The following CNOT6 variants were observed in gnomAD, a reference collection of about 807,000 sequenced individuals.
CNOT6 encodes the protein carbon catabolite repression 4 protein.
Under a neutral mutation model 61.2 loss-of-function variants are expected in CNOT6, and 12 were observed. That is an observed-to-expected ratio of 0.20 (90% CI 0.13 to 0.32). CNOT6 has a LOEUF of 0.32. CNOT6 is among the 10% of genes least tolerant of loss of function. CNOT6 has a pLI of 1.00. For missense variants in CNOT6, 405 were observed against 663.9 expected (o/e 0.61, Z 4.28); for synonymous variants, 225 against 240.6 (o/e 0.94, Z 0.60).
At chr5:180,535,811 G>A (rs115248156) in intron 2 of CNOT6, among the ~76,000 whole-genome samples, 2,694 of 152,142 alleles carry the variant, frequency 0.018, 72 homozygotes, top group African/African-American at 0.06. Flanking sequence ...ATCCTTGCCA[G>A]CATCTGTTGT....
chr5:180,554,222 A>G (rs991709992), intron 4 of CNOT6, among the ~76,000 whole-genome samples: 2 of 152,178 alleles, frequency 1.3e-5, no homozygotes, highest in Admixed American at 1.3e-4. Context: ...GTTCAAGACC[A>G]GCATGAGCAA....
rs2127772209 is a variant in CNOT6 at position 180,575,686 on chromosome 5, A to G, written c.*1486A>G. 6.5e-6 allele frequency: 1 copy of G among 152,730 alleles called. No individual in the cohort carries two copies. Among genetic ancestry groups the G allele is most frequent in the South Asian group, 2.1e-4 (1 of 4,824 alleles). 9.5% of individuals were successfully genotyped at this position (152,730 alleles called of 1,614,324 possible). On this transcript the variant is annotated 3_prime_UTR_variant, in exon 12 of 12. Coordinates refer to ENST00000261951, the MANE Select transcript of CNOT6 (RefSeq NM_001370472.1). ...AGATGAAAACCAGCTTTAACTTTGCAAAGTGAACATGTACATGGTCTGCTC... is the reference window on the plus strand; with the variant it reads ...AGATGAAAACCAGCTTTAACTTTGCGAAGTGAACATGTACATGGTCTGCTC...
At chr5:180,509,335 A>G (rs959183230) in intron 1 of CNOT6, among the ~76,000 whole-genome samples, 13 of 151,768 alleles carry the variant, frequency 8.6e-5, no homozygotes, top group South Asian at 4.2e-4. Flanking sequence ...AGGTTTTGCC[A>G]TGTTACTGGT....
intron 4 of CNOT6, among the ~76,000 whole-genome samples, chr5:180,563,853 A>G (rs1393481858): frequency 4.6e-5 from 7 of 152,204 alleles, no homozygotes; most frequent in Non-Finnish European, 8.8e-5. Flanking sequence ...AGATTCTTGT[A>G]GGTATATGTA....
rs559160965 is a variant in CNOT6, at chr5:180,515,084, G to A, written c.-2-14191G>A. 9.9e-5 allele frequency among the ~76,000 whole-genome samples: 15 copies of A among 152,198 alleles called. No individual in the cohort carries two copies. In the East Asian group the frequency reaches 2.5e-3, roughly 25 times the overall value. On this transcript the variant is annotated intron_variant, in intron 1 of 11. Coordinates refer to ENST00000261951, the MANE Select transcript of CNOT6 (RefSeq NM_001370472.1). ...TGAAGAGAAAGTAGGAGTTTAGGAT[G>A]AAGGTTGTCTTTGATAAAGAGATTA...
intron 2 of CNOT6, among the ~76,000 whole-genome samples, chr5:180,533,799 C>T (rs1758527196): frequency 6.6e-6 from 1 of 152,048 alleles, no homozygotes; most frequent in South Asian, 2.1e-4. Flanking sequence ...TTTTAACAAT[C>T]TGTTTATTAT....
intron 1 of CNOT6, among the ~76,000 whole-genome samples, chr5:180,505,547 ATTTTT>A (rs386405833): frequency 4.7e-5 from 4 of 85,722 alleles, no homozygotes; most frequent in South Asian, 3.9e-4. Flanking sequence ...GTACTAGTTA[ATTTTT>A]TTTTTTTTTT....
rs949947629 is a variant in CNOT6, at chr5:180,552,368, G to A, written c.300-1018G>A. Among the ~76,000 whole-genome samples, 12 of 151,292 alleles carry A rather than the reference G, an allele frequency of 7.9e-5. No individual in the cohort carries two copies. In the East Asian group the frequency reaches 1.2e-3, roughly 15 times the overall value. On this transcript the variant is annotated intron_variant, in intron 3 of 11. Coordinates refer to ENST00000261951, the MANE Select transcript of CNOT6 (RefSeq NM_001370472.1). ...AAAAAGTGACAAATAGGCTGGGCAC[G>A]ATGGCTCAAGCCTATAATCCCAGCA...
At chr5:180,547,842 T>G (rs1759394569) in intron 2 of CNOT6, among the ~76,000 whole-genome samples, 1 of 152,100 alleles carries the variant, frequency 6.6e-6, no homozygotes. Flanking sequence ...CAAGCGGTTC[T>G]CCTGCCTCAG....
chr5:180,538,160 T>C (rs368112166), intron 2 of CNOT6, among the ~76,000 whole-genome samples: 1 of 148,000 alleles, frequency 6.8e-6, no homozygotes, highest in South Asian at 2.2e-4. Flanking sequence ...TGCCTCAGCC[T>C]CCCAAGTAGC....
intron 1 of CNOT6, among the ~76,000 whole-genome samples, chr5:180,526,557 G>A (rs1204226362): frequency 6.6e-6 from 1 of 152,202 alleles, no homozygotes; most frequent in Non-Finnish European, 1.5e-5. Flanking sequence ...TTTGAAGACA[G>A]AAGTCATCTA....
chr5:180,509,825 GGT>G (rs555974155), intron 1 of CNOT6, among the ~76,000 whole-genome samples: 2,592 of 142,408 alleles, frequency 0.018, 27 homozygotes, highest in Non-Finnish European at 0.027. Flanking sequence ...TTGATACCTT[GGT>G]GTTTTTTTTT....
rs1761081395 is a variant in CNOT6 at position 180,577,931 on chromosome 5, C to T, written c.*3731C>T. On this transcript the variant is annotated 3_prime_UTR_variant, in exon 12 of 12. Coordinates refer to ENST00000261951, the MANE Select transcript of CNOT6 (RefSeq NM_001370472.1). The stretch of plus-strand genomic sequence containing the variant: ...CTTTTTTCTTTACCGATGTATTTTC[C>T]TACTCATAGCCAACCAATAAATTCA... 1 of 152,542 alleles carries T rather than the reference C, an allele frequency of 6.6e-6. No individual in the cohort carries two copies. Among genetic ancestry groups the T allele is most frequent in the Non-Finnish European group, 1.5e-5 (1 of 68,024 alleles). 9.4% of individuals were successfully genotyped at this position (152,542 alleles called of 1,614,324 possible). A position where few individuals can be genotyped will look rare whatever the true frequency, so the allele number is the denominator to read the frequency against.
At chr5:180,531,725 G>T (rs1758393003) in intron 2 of CNOT6, among the ~76,000 whole-genome samples, 2 of 152,240 alleles carry the variant, frequency 1.3e-5, no homozygotes, top group African/African-American at 4.8e-5. Flanking sequence ...AACTCCGTCT[G>T]TAATCCCGGC....
chr5:180,536,989 T>G (rs1758728062), intron 2 of CNOT6, among the ~76,000 whole-genome samples: 1 of 152,222 alleles, frequency 6.6e-6, no homozygotes, highest in African/African-American at 2.4e-5. Context: ...TAGCTCATTC[T>G]TTTTTAGCAC....
At chr5:180,497,325 C>A (rs868812291) in intron 1 of CNOT6, among the ~76,000 whole-genome samples, 473 of 125,946 alleles carry the variant, frequency 3.8e-3, no homozygotes, top group Middle Eastern at 4.3e-3. Context: ...AACTCCGTCT[C>A]AAAAAAAAAA....
chr5:180,522,391 A>G (rs1233623325), intron 1 of CNOT6, among the ~76,000 whole-genome samples: 1 of 152,038 alleles, frequency 6.6e-6, no homozygotes, highest in Non-Finnish European at 1.5e-5. Context: ...TGGGATTGTA[A>G]GTGTGAGCCA....
chr5:180,494,882 C>T (rs1204396825), intron 1 of CNOT6, 119 bp downstream of exon 1: 7 of 152,040 alleles, frequency 4.6e-5, no homozygotes, highest in Non-Finnish European at 1.5e-5. Context: ...GGCGGCGGTC[C>T]CGCTGCTCCG....
At chr5:180,559,129 C>T (rs533485148) in intron 4 of CNOT6, among the ~76,000 whole-genome samples, 1 of 152,260 alleles carries the variant, frequency 6.6e-6, no homozygotes, top group East Asian at 1.9e-4. Context: ...TATCTATTAG[C>T]TCCTGTATAT....
Sources: allele counts gnomAD v4.1 joint callset (sites outside exome capture counted in the v4.1 genomes callset), GRCh38; gene constraint gnomAD v4.1.1; transcripts MANE v1.5; gene names NCBI Gene and HGNC (gene_info 2026-07-23, HGNC 2026-07-21).